The following NDUFA8 variants were observed in gnomAD, a reference collection of about 807,000 sequenced individuals.
NDUFA8 encodes the protein NADH:ubiquinone oxidoreductase subunit A8.
A neutral mutation model predicts 20.9 loss-of-function variants in NDUFA8; 16 were observed. That is an observed-to-expected ratio of 0.77 (90% confidence interval 0.52 to 1.16). The LOEUF (loss-of-function observed/expected upper bound fraction) is 1.16. Ranked by LOEUF, NDUFA8 falls within the 50% of genes most tolerant of loss-of-function variation. The probability of loss-of-function intolerance (pLI) is 0.00; values close to 1 mark genes in which losing one functional copy is unlikely to be tolerated. For missense variants in NDUFA8, 202 were observed against 216.4 expected (o/e 0.93, Z 0.42); for synonymous variants, 70 against 76.1 (o/e 0.92, Z 0.41).
chr9:122,153,611 G>C (rs1383155940), intron 1 of NDUFA8, among the ~76,000 whole-genome samples: 4 of 152,162 alleles, frequency 2.6e-5, no homozygotes, highest in Non-Finnish European at 5.9e-5. Flanking sequence ...ACAAACAGCT[G>C]CTTAAGCAAG....
intron 1 of NDUFA8, among the ~76,000 whole-genome samples, 195 bp from the exon 2 acceptor site, chr9:122,152,603 TG>T (rs1319539284): frequency 1.3e-5 from 2 of 150,576 alleles, no homozygotes; most frequent in Non-Finnish European, 2.9e-5. Context: ...TTCCCCAGGC[TG>T]GAGTGCAGTG....
chr9:122,137,085 G>T, the NDUFA8 span, among the ~76,000 whole-genome samples: 1 of 152,062 alleles, frequency 6.6e-6, no homozygotes, highest in African/African-American at 2.4e-5. Flanking sequence ...AATTCAGATC[G>T]AATTTGGCCC....
intron 2 of NDUFA8, among the ~76,000 whole-genome samples, chr9:122,151,212 T>C (rs562487826): frequency 2.6e-5 from 4 of 152,306 alleles, no homozygotes; most frequent in Non-Finnish European, 5.9e-5. Context: ...CGGTGGTTTC[T>C]GCCTAGCCAG....
chr9:122,148,934 TAGAGA>T (rs1388159244), intron 2 of NDUFA8, among the ~76,000 whole-genome samples: 1 of 152,210 alleles, frequency 6.6e-6, no homozygotes, highest in Non-Finnish European at 1.5e-5. Flanking sequence ...CAAAAATGGC[TAGAGA>T]AAATTTAACT....
At chr9:122,140,739 C>T (rs1380552126), downstream of NDUFA8, among the ~76,000 whole-genome samples, 1 of 152,222 alleles carries the variant, frequency 6.6e-6, no homozygotes, top group Non-Finnish European at 1.5e-5. Context: ...CTCTACTATG[C>T]ATTTTGTGTG....
chr9:122,138,318 T>A, the NDUFA8 span, among the ~76,000 whole-genome samples: 1 of 152,228 alleles, frequency 6.6e-6, no homozygotes, highest in Non-Finnish European at 1.5e-5. Context: ...GCATGTAATT[T>A]ATATTTCTTA....
rs1252648433 is a variant in NDUFA8 at position 122,159,767 on chromosome 9, G to A, written c.-90C>T. 5 of 1,589,716 alleles carry A rather than the reference G, an allele frequency of 3.1e-6. No homozygotes were observed. Among genetic ancestry groups the A allele is most frequent in the Middle Eastern group, 1.7e-4 (1 of 6,050 alleles). On this transcript the variant is annotated 5_prime_UTR_variant, in exon 1 of 4. Coordinates refer to ENST00000373768, the MANE Select transcript of NDUFA8 (RefSeq NM_014222.3). ...CCCTTTCGACCGCCGAGTGCCACAC[G>A]GCGCCTGCGCATGCGCATCCGGCAA...
chr9:122,137,565 G>A, the NDUFA8 span, among the ~76,000 whole-genome samples: 1 of 152,152 alleles, frequency 6.6e-6, no homozygotes, highest in Non-Finnish European at 1.5e-5. Flanking sequence ...GAGGGAAGTG[G>A]TTGACAAAAT....
chr9:122,152,411 A>G lies in NDUFA8; in HGVS notation c.52-3T>C, dbSNP rs146179703. The G allele has an allele frequency of 7.7e-5, 124 of 1,614,070 alleles. No homozygotes were observed. In the Middle Eastern group the frequency reaches 2.1e-3, roughly 28 times the overall value. ...AGCACAGCAGAACTAATTTTCACCT[A>G]GGAAAGGAAAGATGGGACAAAGGCC... On this transcript the variant is annotated splice_region_variant and splice_polypyrimidine_tract_variant and intron_variant, in intron 1 of 3. Transcript: ENST00000373768.
Position 122,159,635 on chromosome 9 carries a change from C to T in NDUFA8, c.43G>A (p.Val15Ile), listed in dbSNP as rs749040698. The change falls in exon 1 of 4, where the codon GTA becomes ATA. Residue 15 changes from valine to isoleucine, a missense_variant. Transcript: ENST00000373768. The stretch of plus-strand genomic sequence containing the variant: ...CCTCCGGATAGCCTCACCTCATCTA[C>T]TTTCAGCTCCTCTAGAGTGGGCAGC... ...VELPTLEELK[V>I]DEVKISSAVL... 3.7e-6 allele frequency: 6 copies of T among 1,614,062 alleles called. No individual in the cohort carries two copies. The highest frequency in any genetic ancestry group is 5.1e-6 in the Non-Finnish European group (6 of 1,180,012).
intron 2 of NDUFA8, among the ~76,000 whole-genome samples, chr9:122,150,459 A>G (rs1249845108): frequency 6.6e-6 from 1 of 151,246 alleles, no homozygotes; most frequent in Non-Finnish European, 1.5e-5. Context: ...CAAGAGCCAT[A>G]ATGATGTTCA....
downstream of NDUFA8, among the ~76,000 whole-genome samples, chr9:122,140,588 C>A (rs1039833174): frequency 2.0e-5 from 3 of 152,174 alleles, no homozygotes; most frequent in African/African-American, 7.2e-5. Context: ...TTGTCATATA[C>A]TGGGCACTAG....
At chr9:122,138,022 A>T in the NDUFA8 span, among the ~76,000 whole-genome samples, 34 of 152,358 alleles carry the variant, frequency 2.2e-4, no homozygotes, top group African/African-American at 8.2e-4. Flanking sequence ...GGATCCTTGG[A>T]AACAACCACA....
chr9:122,148,319 A>G, intron 2 of NDUFA8, 42 bp from the exon 3 acceptor site: 2 of 1,609,730 alleles, frequency 1.2e-6, no homozygotes, highest in Non-Finnish European at 1.7e-6. Context: ...TTTGCAAAAC[A>G]ATGAAAAACA....
downstream of NDUFA8, among the ~76,000 whole-genome samples, chr9:122,142,926 C>CA (rs374571413): frequency 1.2e-3 from 187 of 151,586 alleles, 1 homozygote; most frequent in Middle Eastern, 6.8e-3. Context: ...GAAAAAAATG[C>CA]AAAAAAAAGT....
the NDUFA8 span, among the ~76,000 whole-genome samples, chr9:122,135,441 C>T: frequency 6.6e-6 from 1 of 152,206 alleles, no homozygotes; most frequent in African/African-American, 2.4e-5. Context: ...ATGCTTAGAG[C>T]TGCATGGCCT....
At chr9:122,139,769 A>G (rs989033781), downstream of NDUFA8, among the ~76,000 whole-genome samples, 2 of 152,146 alleles carry the variant, frequency 1.3e-5, no homozygotes, top group Non-Finnish European at 2.9e-5. Context: ...TCTCAGCTCA[A>G]TGCAACCTCC....
At chr9:122,139,283 C>T (rs1052671813), downstream of NDUFA8, among the ~76,000 whole-genome samples, 1 of 152,192 alleles carries the variant, frequency 6.6e-6, no homozygotes, top group Non-Finnish European at 1.5e-5. Context: ...TTTCACACTC[C>T]AGGAGGAAGC....
downstream of NDUFA8, among the ~76,000 whole-genome samples, chr9:122,141,233 G>C (rs1236796769): frequency 1.3e-5 from 2 of 152,212 alleles, no homozygotes; most frequent in Non-Finnish European, 2.9e-5. Flanking sequence ...GTGTCAGAAT[G>C]CCAGTAAGGA....
Sources: allele counts gnomAD v4.1 joint callset (sites outside exome capture counted in the v4.1 genomes callset), GRCh38; gene constraint gnomAD v4.1.1; transcripts MANE v1.5; gene names NCBI Gene and HGNC (gene_info 2026-07-23, HGNC 2026-07-21).